RNF111: variants seen among roughly 807,000 people sequenced by gnomAD.
The protein encoded by RNF111 is E3 ubiquitin-protein ligase Arkadia.
In RNF111, 17 loss-of-function variants were observed where a neutral mutation model predicts 95.1. That is an observed-to-expected ratio of 0.18 (90% CI 0.12 to 0.27). The LOEUF is 0.27. Ranked by LOEUF, RNF111 falls within the 10% of genes least tolerant of loss-of-function variation. The pLI is 1.00. For synonymous variants in RNF111, 440 were observed against 414.8 expected, an observed-to-expected ratio of 1.06 and a Z score of -0.74; for missense variants, 1,189 against 1,210.4, an observed-to-expected ratio of 0.98 and a Z score of 0.26.
chr15:58,995,991 A>G (rs1186989999), intron 1 of RNF111, among the ~76,000 whole-genome samples: 2 of 151,816 alleles, frequency 1.3e-5, no homozygotes, highest in African/African-American at 4.8e-5. Context: ...TTTAAATTAG[A>G]TTTTTGATAG....
chr15:59,093,189 C>G (rs1297105398), intron 13 of RNF111, among the ~76,000 whole-genome samples: 6 of 152,084 alleles, frequency 3.9e-5, no homozygotes, highest in Non-Finnish European at 8.8e-5. Context: ...AAGGTTTGGC[C>G]AGGGAAATTT....
intron 4 of RNF111, among the ~76,000 whole-genome samples, chr15:59,057,971 C>T (rs1449164924): frequency 6.6e-6 from 1 of 152,194 alleles, no homozygotes; most frequent in African/African-American, 2.4e-5. Flanking sequence ...TTGTGTCAGA[C>T]AGTGTGGTTT....
At chr15:59,049,745 C>CA (rs2041887604) in intron 2 of RNF111, 1 of 104,622 alleles carries the variant, frequency 9.6e-6, no homozygotes, top group Non-Finnish European at 1.9e-5. Context: ...TTCTTTCTTT[C>CA]TTTTTTTTTT....
chr15:59,070,236 A>G (rs1169419214), intron 6 of RNF111, among the ~76,000 whole-genome samples: 13 of 151,880 alleles, frequency 8.6e-5, no homozygotes, highest in African/African-American at 1.9e-4. Flanking sequence ...TCCCATCACT[A>G]TACTCATCTT....
chr15:59,019,134 G>C (rs1156705148), intron 1 of RNF111, among the ~76,000 whole-genome samples: 1 of 146,010 alleles, frequency 6.8e-6, no homozygotes, highest in African/African-American at 2.6e-5. Flanking sequence ...TAGAGGTGAG[G>C]TTTCATGTTG....
rs759475655 is a variant in RNF111 at position 59,092,567 on chromosome 15, G to A, written c.2770G>A (p.Glu924Lys). The change falls in exon 13 of 14, where the codon GAA becomes AAA. Residue 924 changes from glutamate to lysine, a missense_variant. Physicochemically the swap from Glu to Lys is moderately conservative, Grantham distance 56. Coordinates refer to ENST00000348370, the MANE Select transcript of RNF111 (RefSeq NM_017610.8). ...RKLHCKQDGE[E>K]GTEEDTEEKC... The stretch of plus-strand genomic sequence containing the variant: ...ACTGCACTGCAAACAAGATGGGGAA[G>A]AAGGGACTGAGGAAGACACAGAGGA... The A allele has an allele frequency of 6.2e-7, 1 of 1,613,104 alleles. No homozygotes were observed.
intron 2 of RNF111, among the ~76,000 whole-genome samples, chr15:59,051,457 CAAAAAAAAAAAGGA>C (rs1429862393): frequency 1.0e-5 from 1 of 96,360 alleles, no homozygotes; most frequent in Non-Finnish European, 2.1e-5. Flanking sequence ...GACTCTGTCT[CAAAAAAAAAAAGGA>C]AAAAAAAAAA....
At chr15:59,080,843 AAT>A in intron 7 of RNF111, 91 bp from the exon 8 acceptor site, 1 of 982,028 alleles carries the variant, frequency 1.0e-6, no homozygotes, top group Non-Finnish European at 1.5e-6. Context: ...ATAAAATACT[AAT>A]ATGTTTAAAA....
intron 2 of RNF111, among the ~76,000 whole-genome samples, chr15:59,032,869 G>C (rs1449418637): frequency 6.6e-6 from 1 of 152,128 alleles, no homozygotes; most frequent in Non-Finnish European, 1.5e-5. Context: ...GAGCCTGTGT[G>C]CTCTTGCTCA....
intron 6 of RNF111, among the ~76,000 whole-genome samples, chr15:59,067,439 C>T (rs1330326263): frequency 6.6e-6 from 1 of 152,026 alleles, no homozygotes; most frequent in Admixed American, 6.6e-5. Context: ...ACCAACCCAC[C>T]TTTCTTTTTT....
intron 6 of RNF111, among the ~76,000 whole-genome samples, chr15:59,071,739 G>C (rs2042938152): frequency 6.6e-6 from 1 of 151,966 alleles, no homozygotes; most frequent in Non-Finnish European, 1.5e-5. Flanking sequence ...ACTGATGAGT[G>C]GAAGTGGAAT....
chr15:59,054,851 A>G (rs2042139905), intron 3 of RNF111, among the ~76,000 whole-genome samples: 1 of 152,174 alleles, frequency 6.6e-6, no homozygotes, highest in Non-Finnish European at 1.5e-5. Flanking sequence ...GCAGTTTTAT[A>G]TTTAGTTTGA....
intron 1 of RNF111, among the ~76,000 whole-genome samples, chr15:59,025,944 G>C (rs958289557): frequency 6.6e-6 from 1 of 151,872 alleles, no homozygotes; most frequent in African/African-American, 2.4e-5. Flanking sequence ...TGGTCAGGCT[G>C]GTCTCGAACT....
intron 1 of RNF111, among the ~76,000 whole-genome samples, chr15:58,991,052 T>A (rs148486063): frequency 0.012 from 1,839 of 152,144 alleles, 18 homozygotes; most frequent in South Asian, 0.028. Flanking sequence ...TCCCAGCACT[T>A]TGGGAAGCCG....
At chr15:59,004,928 G>T (rs558744870) in intron 1 of RNF111, among the ~76,000 whole-genome samples, 26 of 152,346 alleles carry the variant, frequency 1.7e-4, no homozygotes, top group African/African-American at 6.3e-4. Flanking sequence ...CACTTGGGAA[G>T]TGAGACCCAG....
intron 6 of RNF111, among the ~76,000 whole-genome samples, chr15:59,074,765 A>G (rs1223659089): frequency 6.6e-6 from 1 of 150,466 alleles, no homozygotes; most frequent in African/African-American, 2.4e-5. Context: ...TGCATTCATG[A>G]CTTGGCTAAC....
intron 1 of RNF111, among the ~76,000 whole-genome samples, chr15:59,022,225 G>T (rs1241619534): frequency 6.6e-6 from 1 of 152,106 alleles, no homozygotes; most frequent in Non-Finnish European, 1.5e-5. Flanking sequence ...TTTCCTCTTA[G>T]TGGTTTTGTC....
chr15:59,091,514 C>G (rs1036372193), intron 12 of RNF111, among the ~76,000 whole-genome samples: 2 of 152,178 alleles, frequency 1.3e-5, no homozygotes, highest in African/African-American at 2.4e-5. Flanking sequence ...TTAGCTCCCA[C>G]AGATCACCCT....
At chr15:58,989,007 A>C (rs1468971053) in intron 1 of RNF111, among the ~76,000 whole-genome samples, 3 of 152,212 alleles carry the variant, frequency 2.0e-5, no homozygotes, top group Non-Finnish European at 4.4e-5. Context: ...AAAAAGAACA[A>C]ACTGGGAAAA....
Sources: gnomAD v4.1 joint callset for allele counts (sites outside exome capture counted in the v4.1 genomes callset) on GRCh38, gnomAD v4.1.1 for gene constraint, MANE v1.5 for transcripts, NCBI Gene and HGNC (gene_info 2026-07-23, HGNC 2026-07-21) for gene names.